Variants in EDC3 observed in about 807,000 individuals in gnomAD.
EDC3 encodes enhancer of mRNA decapping 3.
EDC3 carries 20 observed loss-of-function variants against 41.8 expected under a neutral mutation model. That is an observed-to-expected ratio of 0.48 (90% confidence interval 0.34 to 0.70). EDC3 has a LOEUF of 0.70. Among genes scored for constraint, EDC3 ranks in the 30% least tolerant of loss-of-function variants. The pLI, the probability that EDC3 is intolerant of heterozygous loss-of-function variation, is 0.01. For missense variants in EDC3, 444 were observed against 636.8 expected (o/e 0.70, Z 3.26); for synonymous variants, 206 against 243.2 (o/e 0.85, Z 1.42).
chr15:74,634,172 T>C (rs1265492114), intron 6 of EDC3, among the ~76,000 whole-genome samples: 2 of 152,220 alleles, frequency 1.3e-5, no homozygotes, highest in African/African-American at 4.8e-5. Flanking sequence ...TCCACAGAGA[T>C]GCTAAATCCA....
chr15:74,633,275 G>A (rs1315735232), intron 6 of EDC3, among the ~76,000 whole-genome samples: 1 of 152,244 alleles, frequency 6.6e-6, no homozygotes, highest in Non-Finnish European at 1.5e-5. Context: ...GCATGCCTCT[G>A]TATATCCAAC....
At chr15:74,681,086 G>A (rs1412197142) in intron 1 of EDC3, among the ~76,000 whole-genome samples, 13 of 152,160 alleles carry the variant, frequency 8.5e-5, no homozygotes, top group Admixed American at 6.6e-5. Flanking sequence ...CAAAATCCCA[G>A]CAAGATCTGT....
At chr15:74,677,444 T>A (rs969855321) in intron 1 of EDC3, among the ~76,000 whole-genome samples, 2 of 150,010 alleles carry the variant, frequency 1.3e-5, no homozygotes, top group African/African-American at 4.9e-5. Flanking sequence ...TCTCAGCTCA[T>A]TGCAGCCTCT....
intron 1 of EDC3, among the ~76,000 whole-genome samples, chr15:74,689,428 C>T (rs1404725470): frequency 6.6e-6 from 1 of 152,192 alleles, no homozygotes; most frequent in Non-Finnish European, 1.5e-5. Context: ...ATTGTAATGA[C>T]TACTGAATTC....
At chr15:74,653,648 C>T (rs2062508758) in intron 4 of EDC3, among the ~76,000 whole-genome samples, 1 of 152,132 alleles carries the variant, frequency 6.6e-6, no homozygotes, top group Non-Finnish European at 1.5e-5. Flanking sequence ...CACTACATAC[C>T]ACAAGACGCC....
At chr15:74,683,156 G>A (rs954150957) in intron 1 of EDC3, among the ~76,000 whole-genome samples, 5 of 152,138 alleles carry the variant, frequency 3.3e-5, no homozygotes, top group Admixed American at 6.5e-5. Flanking sequence ...ATACCACAGG[G>A]CAAAAAGTAA....
intron 1 of EDC3, among the ~76,000 whole-genome samples, chr15:74,689,522 CTT>C (rs938561821): frequency 1.4e-5 from 2 of 146,592 alleles, no homozygotes; most frequent in Admixed American, 6.8e-5. Context: ...CCCTCCATTT[CTT>C]TTTTTTTTTT....
Position 74,632,715 on chromosome 15 carries a change from T to C in EDC3, c.1424A>G (p.Tyr475Cys), listed in dbSNP as rs1314525559. Residue 475 changes from tyrosine (Y) to cysteine (C), a missense_variant, in exon 7 of 7, where the codon TAT becomes TGT. Tyr to Cys is a radical substitution (Grantham distance 194, BLOSUM62 -2). This residue lies in a region of EDC3 where 242 missense variants were observed against 363.8 expected (regional missense o/e 0.67). Coordinates refer to ENST00000315127, the MANE Select transcript of EDC3 (RefSeq NM_025083.5). The surrounding 1 kb of genome is among the most constrained non-coding windows in gnomAD (Gnocchi z 4.0). The part of the protein sequence containing the change: ...LPLGEHAGRI[Y>C]LCDIGIPQQV... Reference sequence around the variant, plus strand: ...CTGGGGAATGCCAATGTCGCACAAATAGATACGGCCTGCGTGCTCCCCCAG... The same window carrying C: ...CTGGGGAATGCCAATGTCGCACAAACAGATACGGCCTGCGTGCTCCCCCAG... 1.2e-6 allele frequency: 2 copies of C among 1,613,988 alleles called. No individual in the cohort carries two copies. Among genetic ancestry groups the C allele is most frequent in the East Asian group, 2.2e-5 (1 of 44,862 alleles).
At position 74,655,815 on chromosome 15, in the gene EDC3, A is replaced by T; in HGVS notation, c.738T>A (p.His246Gln). The change falls in exon 4 of 7, where the codon CAT (histidine) becomes CAA (glutamine). Residue 246 changes from histidine to glutamine, a missense_variant. Coordinates refer to ENST00000315127, the MANE Select transcript of EDC3 (RefSeq NM_025083.5). ...IPNERPTRYRHDENILESEPI... is the reference protein window; with the variant it reads ...IPNERPTRYRQDENILESEPI... The stretch of plus-strand genomic sequence containing the variant: ...GCTCGGACTCCAAGATGTTCTCATC[A>T]TGGCGGTACCGAGTGGGCCTTTCAT... 6.2e-7 allele frequency: 1 copy of T among 1,614,176 alleles called. No individual in the cohort carries two copies. The highest frequency in any genetic ancestry group is 8.5e-7 in the Non-Finnish European group (1 of 1,180,042).
At position 74,674,991 on chromosome 15, in the gene EDC3, A is replaced by G; in HGVS notation, c.134T>C (p.Val45Ala). Residue 45 changes from valine (V) to alanine (A), a missense_variant, in exon 2 of 7, where the codon GTG becomes GCG. Val to Ala is a moderately conservative substitution (Grantham distance 64). Coordinates refer to ENST00000315127, the MANE Select transcript of EDC3 (RefSeq NM_025083.5). Reference protein sequence around the residue: ...ISLTRPFHNGVKCLVPEVTFR... With the variant: ...ISLTRPFHNGAKCLVPEVTFR... ...GGTGACTTCTGGAACAAGACACTTC[A>G]CTCCATTATGGAAAGGCCGGGTGAG... 1 of 1,614,150 alleles carries G rather than the reference A, an allele frequency of 6.2e-7. No individual in the cohort carries two copies. Among genetic ancestry groups the G allele is most frequent in the Non-Finnish European group, 8.5e-7 (1 of 1,180,026 alleles).
In EDC3 at chr15:74,684,478, CA is replaced by C. The variant is rs1043252193; in HGVS notation, c.-18-9337del. 8.2e-3 allele frequency among the ~76,000 whole-genome samples: 497 copies of C among 60,958 alleles called. 4 individuals carry two copies. The highest frequency in any genetic ancestry group is 0.03 in the Admixed American group (189 of 6,248). The allele number at this position is 60,958 out of a possible 152,430, so 40.0% of individuals were successfully genotyped here. On this transcript the variant is annotated intron_variant, in intron 1 of 6. Transcript: ENST00000315127. ...ACCATGCCCAGCTGAGACTTTGTCT[CA>C]AAAAAAAAAAAAAAAAAAAAGGTGG...
intron 4 of EDC3, among the ~76,000 whole-genome samples, chr15:74,649,867 G>C (rs1004446790): frequency 7.3e-5 from 11 of 150,754 alleles, no homozygotes; most frequent in Non-Finnish European, 1.6e-4. Flanking sequence ...AAAAGGGGGG[G>C]GGGGTCACAA....
chr15:74,679,778 A>C (rs1042047479), intron 1 of EDC3: 5 of 149,832 alleles, frequency 3.3e-5, no homozygotes, highest in African/African-American at 9.9e-5. Context: ...AAAAAAAAAA[A>C]AAAACAGGTG....
At chr15:74,643,297 G>C (rs1431023401) in intron 4 of EDC3, 1 of 152,136 alleles carries the variant, frequency 6.6e-6, no homozygotes, top group South Asian at 2.1e-4. Context: ...TTTATTGTTC[G>C]GGAATCAAGG....
At chr15:74,663,902 G>A (rs1220491355) in intron 3 of EDC3, among the ~76,000 whole-genome samples, 2 of 152,152 alleles carry the variant, frequency 1.3e-5, no homozygotes, top group Non-Finnish European at 2.9e-5. Context: ...CCTTAATGAT[G>A]CTGGGCACTG....
At position 74,671,528 on chromosome 15, in the gene EDC3, G is replaced by C; in HGVS notation, c.411C>G (p.Cys137Trp). 1 of 1,614,208 alleles carries C rather than the reference G, an allele frequency of 6.2e-7. No individual in the cohort carries two copies. The highest frequency in any genetic ancestry group is 8.5e-7 in the Non-Finnish European group (1 of 1,180,050). Residue 137 changes from cysteine to tryptophan, a missense_variant, in exon 3 of 7, where the codon TGC becomes TGG. Physicochemically the swap from Cys to Trp is radical, Grantham distance 215. Coordinates refer to ENST00000315127, the MANE Select transcript of EDC3 (RefSeq NM_025083.5). The surrounding 1 kb of genome is among the most constrained non-coding windows in gnomAD (Gnocchi z 4.6). ...DVAVSPQQQQCSKSYVDRHME... is the reference protein window; with the variant it reads ...DVAVSPQQQQWSKSYVDRHME... ...TGTGCCTGTCGACATAGCTCTTTGA[G>C]CACTGTTGCTGCTGCGGGGAAACGG...
intron 1 of EDC3, among the ~76,000 whole-genome samples, chr15:74,691,179 C>A (rs1248776830): frequency 1.3e-5 from 2 of 151,936 alleles, no homozygotes; most frequent in South Asian, 2.1e-4. Flanking sequence ...ACATCACAGC[C>A]CCTGGTTCAC....
intron 3 of EDC3, among the ~76,000 whole-genome samples, chr15:74,658,958 A>G (rs958518100): frequency 2.0e-5 from 3 of 152,054 alleles, no homozygotes; most frequent in Non-Finnish European, 4.4e-5. Context: ...AAACAAAAAC[A>G]AAACACTAAG....
intron 4 of EDC3, among the ~76,000 whole-genome samples, chr15:74,654,775 CCTA>C (rs1377190773): frequency 6.6e-6 from 1 of 151,874 alleles, no homozygotes; most frequent in African/African-American, 2.4e-5. Context: ...ACAACAGAGT[CCTA>C]CTATTATCTA....
Sources: gnomAD v4.1 joint callset for allele counts (sites outside exome capture counted in the v4.1 genomes callset) on GRCh38, gnomAD v4.1.1 for gene constraint, gnomAD v4.1.1 regional missense constraint, Gnocchi (gnomAD v3.1) non-coding constraint, MANE v1.5 for transcripts, NCBI Gene and HGNC (gene_info 2026-07-23, HGNC 2026-07-21) for gene names.